Variants in IL15 observed in about 807,000 individuals in gnomAD.
IL15 encodes the protein interleukin 15, also known as interleukin-15.
IL15 carries 11 observed loss-of-function variants against 19.6 expected under a neutral mutation model. The observed-to-expected ratio is 0.56, with a 90% CI of 0.35 to 0.93. IL15 has a LOEUF of 0.93. IL15 is among the 40% of genes least tolerant of loss of function. The probability of loss-of-function intolerance (pLI) is 0.01; values close to 1 mark genes in which losing one functional copy is unlikely to be tolerated. For missense variants in IL15, 197 were observed against 186.5 expected (o/e 1.06, Z -0.33); for synonymous variants, 58 against 59.6 (o/e 0.97, Z 0.12).
intron 1 of IL15, 70 bp downstream of exon 1, chr4:141,636,818 G>A (rs2152147648): frequency 6.6e-6 from 1 of 152,506 alleles, no homozygotes; most frequent in East Asian, 1.9e-4. Flanking sequence ...AATTTTCCCC[G>A]AAAGCCTACG....
chr4:141,674,038 C>A (rs1347482273), intron 2 of IL15, among the ~76,000 whole-genome samples: 1 of 152,194 alleles, frequency 6.6e-6, no homozygotes, highest in Non-Finnish European at 1.5e-5. Context: ...GTTAAATTTG[C>A]AGAAGTTTCA....
intron 2 of IL15, among the ~76,000 whole-genome samples, chr4:141,662,998 A>G (rs1183623260): frequency 6.6e-6 from 1 of 152,044 alleles, no homozygotes; most frequent in Non-Finnish European, 1.5e-5. Context: ...TTATTGGCAG[A>G]AAAAAAATCC....
intron 2 of IL15, among the ~76,000 whole-genome samples, chr4:141,709,041 T>A (rs1729619827): frequency 8.2e-6 from 1 of 122,542 alleles, no homozygotes; most frequent in African/African-American, 3.0e-5. Flanking sequence ...TCAATATTAT[T>A]CAATATTGAA....
intron 5 of IL15, among the ~76,000 whole-genome samples, chr4:141,726,961 A>T (rs530084718): frequency 3.5e-4 from 54 of 152,310 alleles, no homozygotes; most frequent in African/African-American, 1.3e-3. Context: ...CGCCAATCTG[A>T]AAAGGCTTCA....
chr4:141,661,945 G>A (rs1727805484), intron 2 of IL15, among the ~76,000 whole-genome samples: 2 of 151,976 alleles, frequency 1.3e-5, no homozygotes, highest in South Asian at 4.2e-4. Flanking sequence ...GATTTCTATT[G>A]GGATTTCTTT....
chr4:141,728,191 A>G (rs575165117), intron 6 of IL15, among the ~76,000 whole-genome samples: 23 of 152,074 alleles, frequency 1.5e-4, no homozygotes, highest in Non-Finnish European at 2.2e-4. Context: ...AATGGTGCCA[A>G]ATCAAAATAT....
chr4:141,664,054 C>T (rs1166330661), intron 2 of IL15, among the ~76,000 whole-genome samples: 1 of 152,118 alleles, frequency 6.6e-6, no homozygotes, highest in African/African-American at 2.4e-5. Flanking sequence ...AGAGGCATTT[C>T]TGCTTATTCT....
intron 2 of IL15, among the ~76,000 whole-genome samples, chr4:141,713,342 C>T (rs1369812386): frequency 6.6e-6 from 1 of 152,084 alleles, no homozygotes; most frequent in East Asian, 1.9e-4. Context: ...AGTTATTTAT[C>T]AAAGCAGGTG....
chr4:141,688,283 G>A (rs1402697645), intron 2 of IL15, among the ~76,000 whole-genome samples: 3 of 152,106 alleles, frequency 2.0e-5, no homozygotes, highest in African/African-American at 7.2e-5. Flanking sequence ...TATACCTTGT[G>A]TACATAAACC....
intron 5 of IL15, among the ~76,000 whole-genome samples, chr4:141,724,751 A>G (rs2152191413): frequency 6.6e-6 from 1 of 152,248 alleles, no homozygotes; most frequent in East Asian, 1.9e-4. Context: ...CATAATGAAG[A>G]TGAAATAGAC....
intron 4 of IL15, chr4:141,721,158 G>A (rs769253213): frequency 1.5e-6 from 2 of 1,313,890 alleles, no homozygotes; most frequent in Admixed American, 1.7e-5. Context: ...CATGGTATTG[G>A]GAACCATAGA....
chr4:141,684,190 C>T (rs1420781852), intron 2 of IL15, among the ~76,000 whole-genome samples: 1 of 152,156 alleles, frequency 6.6e-6, no homozygotes, highest in Non-Finnish European at 1.5e-5. Context: ...ACTATAAATT[C>T]TCACTCTTCA....
At chr4:141,659,909 A>AC (rs1560905778) in intron 2 of IL15, among the ~76,000 whole-genome samples, 2 of 151,928 alleles carry the variant, frequency 1.3e-5, no homozygotes, top group African/African-American at 4.8e-5. Flanking sequence ...TTGTTGGGAT[A>AC]CTTAAAAACA....
chr4:141,716,514 G>C (rs776032485), intron 2 of IL15: 1 of 152,418 alleles, frequency 6.6e-6, no homozygotes, highest in Non-Finnish European at 1.5e-5. Context: ...CAAGAGCTGA[G>C]GGGGCATGGC....
At chr4:141,696,979 A>G (rs1729119081) in intron 2 of IL15, among the ~76,000 whole-genome samples, 1 of 151,926 alleles carries the variant, frequency 6.6e-6, no homozygotes, top group African/African-American at 2.4e-5. Flanking sequence ...TACTCTGCTG[A>G]TTATTTCTCT....
chr4:141,687,119 G>A (rs1175822076), intron 2 of IL15, among the ~76,000 whole-genome samples: 1 of 152,164 alleles, frequency 6.6e-6, no homozygotes, highest in Non-Finnish European at 1.5e-5. Context: ...CCTTAGAGAA[G>A]TTCAGGTTTT....
Position 141,719,354 on chromosome 4 carries a change from A to T in IL15, c.-99-12A>T. On this transcript the variant is annotated splice_polypyrimidine_tract_variant and intron_variant, in intron 2 of 7. Transcript: ENST00000320650. ...TGCACTTGTGTTTTTAATGGATCAT[A>T]CTTTACCCTAGATTGTATTGTAGGA... 2 of 627,778 alleles carry T rather than the reference A, an allele frequency of 3.2e-6. No homozygotes were observed. Among genetic ancestry groups the T allele is most frequent in the South Asian group, 2.2e-5 (1 of 46,054 alleles). The allele number at this position is 627,778 out of a possible 1,614,324, so 38.9% of individuals were successfully genotyped here.
intron 1 of IL15, among the ~76,000 whole-genome samples, chr4:141,655,036 C>T (rs1283495391): frequency 6.6e-6 from 1 of 152,124 alleles, no homozygotes; most frequent in African/African-American, 2.4e-5. Flanking sequence ...TATAGACAAA[C>T]AGCTATAGCA....
At chr4:141,703,985 T>C (rs1729424267) in intron 2 of IL15, among the ~76,000 whole-genome samples, 1 of 152,176 alleles carries the variant, frequency 6.6e-6, no homozygotes, top group Non-Finnish European at 1.5e-5. Flanking sequence ...TTTTAATATA[T>C]AAAGTTTTAT....
Sources: allele counts gnomAD v4.1 joint callset (sites outside exome capture counted in the v4.1 genomes callset), GRCh38; gene constraint gnomAD v4.1.1; transcripts MANE v1.5; gene names NCBI Gene and HGNC (gene_info 2026-07-23, HGNC 2026-07-21).